Variants in COX15 observed in about 807,000 individuals in gnomAD.
COX15 encodes heme A synthase COX15.
COX15 carries 51 observed loss-of-function variants against 51.9 expected under a neutral mutation model. That is an observed-to-expected ratio of 0.98 (90% CI 0.78 to 1.24). The LOEUF (loss-of-function observed/expected upper bound fraction) is 1.24. COX15 is among the 50% of genes most tolerant of loss of function. The pLI, the probability that COX15 is intolerant of heterozygous loss-of-function variation, is 0.00. For synonymous variants in COX15, 188 were observed against 190.5 expected (o/e 0.99, Z 0.11); for missense variants, 420 against 501.1 (o/e 0.84, Z 1.55).
chr10:99,716,255 A>G (rs1249059350), intron 8 of COX15, 93 bp downstream of exon 8: 1 of 895,998 alleles, frequency 1.1e-6, no homozygotes, highest in Non-Finnish European at 1.9e-6. Flanking sequence ...GGCCTCCCAA[A>G]GTGCTGGGAT....
chr10:99,717,486 C>T (rs533875675), intron 7 of COX15, among the ~76,000 whole-genome samples: 23 of 152,160 alleles, frequency 1.5e-4, no homozygotes, highest in African/African-American at 4.3e-4. Context: ...GCTGGGATTA[C>T]AGGCATGAGC....
rs2037184546 is a variant in COX15 at position 99,732,092 on chromosome 10, C to G, written c.-43G>C. On this transcript the variant is annotated 5_prime_UTR_variant, in exon 1 of 9. Coordinates refer to ENST00000016171, the MANE Select transcript of COX15 (RefSeq NM_078470.6). ...GCCACCTCTTCCACAACCCAGGGCTCTGTGGTCTCCCTCCTCCGCCAAGGA... is the reference window on the plus strand; with the variant it reads ...GCCACCTCTTCCACAACCCAGGGCTGTGTGGTCTCCCTCCTCCGCCAAGGA... 6.3e-6 allele frequency: 10 copies of G among 1,594,200 alleles called. No individual in the cohort carries two copies. The highest frequency in any genetic ancestry group is 8.5e-6 in the Non-Finnish European group (10 of 1,170,136).
At chr10:99,726,861 C>T in intron 4 of COX15, 107 bp downstream of exon 4, 1 of 1,162,070 alleles carries the variant, frequency 8.6e-7, no homozygotes, top group Admixed American at 2.3e-5. Context: ...GCACTCCAGC[C>T]TGGGCGACAC....
chr10:99,719,387 T>C (rs1417474486), intron 6 of COX15, among the ~76,000 whole-genome samples: 1 of 151,896 alleles, frequency 6.6e-6, no homozygotes, highest in African/African-American at 2.4e-5. Context: ...AGAGACGAGG[T>C]TTCACCACGT....
chr10:99,718,278 T>G, intron 7 of COX15, 68 bp downstream of exon 7: 1 of 1,553,768 alleles, frequency 6.4e-7, no homozygotes, highest in Non-Finnish European at 8.9e-7. Flanking sequence ...CATCAGTGCT[T>G]CACTGACACC....
chr10:99,702,380 A>C, the COX15 span: 1 of 677,394 alleles, frequency 1.5e-6, no homozygotes, highest in Non-Finnish European at 2.4e-6. Flanking sequence ...TAACCCACTT[A>C]GAGGTGAGGA....
the COX15 span, among the ~76,000 whole-genome samples, chr10:99,694,756 C>T: frequency 2.0e-5 from 3 of 151,976 alleles, no homozygotes; most frequent in Non-Finnish European, 4.4e-5. Context: ...AGGCTGGTCT[C>T]GAACTCCTGG....
At chr10:99,708,004 TG>T (rs2036286115), downstream of COX15, among the ~76,000 whole-genome samples, 1 of 152,152 alleles carries the variant, frequency 6.6e-6, no homozygotes, top group East Asian at 1.9e-4. Flanking sequence ...CATCACCAGG[TG>T]GTGAGCATAG....
chr10:99,709,684 T>C, downstream of COX15: 1 of 985,448 alleles, frequency 1.0e-6, no homozygotes. Flanking sequence ...CCATCTACCC[T>C]GTTTTCTGTT....
In COX15 at chr10:99,729,699, T is replaced by C. The variant is rs773642414; in HGVS notation, c.126A>G (p.Gln42=). Residue 42 remains glutamine, a synonymous_variant, in exon 2 of 9, where the codon CAA becomes CAG. Coordinates refer to ENST00000016171, the MANE Select transcript of COX15 (RefSeq NM_078470.6). ...DCIRRPLRPG[Q]YSTISEVALQ... ...AAGCTACTTCAGAGATGGTGCTGTA[T>C]TGCCCTGGCCTCAAAGGGCGCCTGA... 2 of 1,614,154 alleles carry C rather than the reference T, an allele frequency of 1.2e-6. No individual in the cohort carries two copies. Among genetic ancestry groups the C allele is most frequent in the African/African-American group, 2.7e-5 (2 of 75,036 alleles).
chr10:99,729,632 C>T lies in COX15; in HGVS notation c.193G>A (p.Ala65Thr), dbSNP rs368808113. ...RGTVSLPSKAAERVVGRWLLV... is the reference protein window; with the variant it reads ...RGTVSLPSKATERVVGRWLLV... The stretch of plus-strand genomic sequence containing the variant: ...AGCCATCGGCCCACCACCCGCTCAG[C>T]AGCCTTTGAGGGAAGGGACACTGTA... The change falls in exon 2 of 9, where the codon GCT (alanine) becomes ACT (threonine). Residue 65 changes from alanine to threonine, a missense_variant. Transcript: ENST00000016171. 3 of 1,614,016 alleles carry T rather than the reference C, an allele frequency of 1.9e-6. No homozygotes were observed. Among genetic ancestry groups the T allele is most frequent in the African/African-American group, 2.7e-5 (2 of 74,938 alleles).
In COX15 at chr10:99,712,952, G is replaced by T; in HGVS notation, c.*1635C>A. 1 of 939,042 alleles carries T rather than the reference G, an allele frequency of 1.1e-6. No homozygotes were observed. Among genetic ancestry groups the T allele is most frequent in the Non-Finnish European group, 1.3e-6 (1 of 780,358 alleles). 58.2% of individuals were successfully genotyped at this position (939,042 alleles called of 1,614,324 possible). On this transcript the variant is annotated 3_prime_UTR_variant, in exon 9 of 9. Coordinates refer to ENST00000016171, the MANE Select transcript of COX15 (RefSeq NM_078470.6). Reference sequence around the variant, plus strand: ...CTCTCTCCAGATGTTCTCTGCTCCAGTTAAATATCCCTAGTTCCTTCACCT... The same window carrying T: ...CTCTCTCCAGATGTTCTCTGCTCCATTTAAATATCCCTAGTTCCTTCACCT...
chr10:99,715,256 G>A (rs973865536), intron 8 of COX15, among the ~76,000 whole-genome samples: 1 of 152,142 alleles, frequency 6.6e-6, no homozygotes, highest in African/African-American at 2.4e-5. Context: ...TCCTGCCTCA[G>A]CCTCCCAAGT....
chr10:99,725,567 A>AT (rs1238894968), intron 4 of COX15, among the ~76,000 whole-genome samples: 6 of 150,596 alleles, frequency 4.0e-5, no homozygotes, highest in Non-Finnish European at 7.4e-5. Context: ...TTCTTTATTT[A>AT]TTTTTTTTGA....
At chr10:99,709,739 TA>T (rs1380992013), downstream of COX15, 2 of 985,416 alleles carry the variant, frequency 2.0e-6, no homozygotes, top group Middle Eastern at 5.2e-4. Context: ...CTGCTCTGTC[TA>T]CTTATCTTCC....
intron 5 of COX15, 104 bp from the exon 6 acceptor site, chr10:99,721,172 T>A: frequency 1.2e-6 from 1 of 838,324 alleles, no homozygotes; most frequent in Admixed American, 2.0e-5. Flanking sequence ...AGATCAGATC[T>A]TCTCTGACCC....
At chr10:99,716,696 T>G (rs1473208103) in intron 7 of COX15, 1 of 458,010 alleles carries the variant, frequency 2.2e-6, no homozygotes, top group Non-Finnish European at 4.1e-6. Context: ...AGATTCTGTA[T>G]GTACTTTATA....
At chr10:99,720,860 G>T in intron 6 of COX15, 127 bp downstream of exon 6, 1 of 779,694 alleles carries the variant, frequency 1.3e-6, no homozygotes, top group Non-Finnish European at 2.2e-6. Context: ...GGTGAAGATG[G>T]GGGAATGAGA....
chr10:99,723,466 A>G (rs1048657214), intron 5 of COX15, among the ~76,000 whole-genome samples: 5 of 152,140 alleles, frequency 3.3e-5, no homozygotes, highest in African/African-American at 9.7e-5. Flanking sequence ...AAAAAATTCT[A>G]GGGAAAAAAA....
Sources: allele counts gnomAD v4.1 joint callset (sites outside exome capture counted in the v4.1 genomes callset), GRCh38; gene constraint gnomAD v4.1.1; transcripts MANE v1.5; gene names NCBI Gene and HGNC (gene_info 2026-07-23, HGNC 2026-07-21).